The following DTD1 variants were observed in gnomAD, a reference collection of about 807,000 sequenced individuals.
DTD1 encodes the protein D-tyrosyl-tRNA deacylase 1 homolog.
In DTD1, 13 loss-of-function variants were observed where a neutral mutation model predicts 25.6. The ratio of observed to expected loss-of-function variants is 0.51; its 90% CI spans 0.33 to 0.81. DTD1 has a LOEUF of 0.81. Ranked by LOEUF, DTD1 falls within the 30% of genes least tolerant of loss-of-function variation. The pLI, the probability that DTD1 is intolerant of heterozygous loss-of-function variation, is 0.02. For missense variants in DTD1, 193 were observed against 266.4 expected (o/e 0.72, Z 1.92); for synonymous variants, 110 against 103.6 (o/e 1.06, Z -0.37).
intron 4 of DTD1, among the ~76,000 whole-genome samples, chr20:18,640,319 G>T (rs1048447538): frequency 2.0e-5 from 3 of 151,700 alleles, no homozygotes; most frequent in Non-Finnish European, 4.4e-5. Flanking sequence ...ATCAATTTTT[G>T]TTATATCTAA....
Position 18,639,564 on chromosome 20 carries a change from G to A in DTD1, c.477+11331G>A, listed in dbSNP as rs573163189. 9.9e-5 allele frequency among the ~76,000 whole-genome samples: 15 copies of A among 152,030 alleles called. No homozygotes were observed. In the South Asian group the frequency reaches 2.5e-3, roughly 25 times the overall value. On this transcript the variant is annotated intron_variant, in intron 4 of 5. Transcript: ENST00000377452. ...AGGTTGTCCTACTGTGGGCTCCAGC[G>A]TGCCTCTTGCTGCTAGCTGGTCAAG...
chr20:18,744,329 A>G, intron 5 of DTD1, 58 bp downstream of exon 5: 1 of 1,537,864 alleles, frequency 6.5e-7, no homozygotes, highest in South Asian at 1.2e-5. Flanking sequence ...AGCAATGAAT[A>G]GGAGGGAATA....
intron 3 of DTD1, among the ~76,000 whole-genome samples, chr20:18,608,225 T>C (rs2060670203): frequency 6.6e-6 from 1 of 152,148 alleles, no homozygotes; most frequent in African/African-American, 2.4e-5. Context: ...GTCCTCTGTT[T>C]CATTTTCGAT....
At chr20:18,702,323 T>G (rs1229171327) in intron 4 of DTD1, among the ~76,000 whole-genome samples, 1 of 152,220 alleles carries the variant, frequency 6.6e-6, no homozygotes, top group African/African-American at 2.4e-5. Context: ...TAATTTTAAT[T>G]TTCTTGACAA....
chr20:18,688,888 G>T (rs376496665), intron 4 of DTD1, among the ~76,000 whole-genome samples: 1 of 152,064 alleles, frequency 6.6e-6, no homozygotes, highest in African/African-American at 2.4e-5. Flanking sequence ...GTGGCCTGTG[G>T]GGGGTGGGGA....
intron 3 of DTD1, among the ~76,000 whole-genome samples, chr20:18,621,482 C>G (rs1380989478): frequency 6.6e-6 from 1 of 152,180 alleles, no homozygotes; most frequent in Non-Finnish European, 1.5e-5. Context: ...AGCCTACTCC[C>G]ACTCACTAAT....
At position 18,588,113 on chromosome 20, in the gene DTD1, C is replaced by A; in HGVS notation, c.41C>A (p.Thr14Lys). The change falls in exon 1 of 6, where the codon ACA (threonine) becomes AAA (lysine). Residue 14 changes from threonine (T) to lysine (K), a missense_variant and splice_region_variant. Thr to Lys is a moderately conservative substitution (Grantham distance 78). Transcript: ENST00000377452. ...VVQRVTRASV[T>K]VGGEQISAIG... ...CAGCGCGTCACCCGGGCCAGCGTCACAGGTCAGTCGGGCGGGGCCGGGCCC... is the reference window on the plus strand; with the variant it reads ...CAGCGCGTCACCCGGGCCAGCGTCAAAGGTCAGTCGGGCGGGGCCGGGCCC... 7.7e-6 allele frequency: 10 copies of A among 1,305,808 alleles called. No individual in the cohort carries two copies. The highest frequency in any genetic ancestry group is 9.7e-6 in the Non-Finnish European group (10 of 1,030,348). 80.9% of individuals were successfully genotyped at this position (1,305,808 alleles called of 1,614,324 possible).
chr20:18,651,674 G>A (rs1342599674), intron 4 of DTD1, among the ~76,000 whole-genome samples: 1 of 152,152 alleles, frequency 6.6e-6, no homozygotes, highest in Non-Finnish European at 1.5e-5. Flanking sequence ...TCCCCAAAAC[G>A]GTTCAGTGAA....
chr20:18,655,614 C>T (rs764195466), intron 4 of DTD1, among the ~76,000 whole-genome samples: 12 of 152,178 alleles, frequency 7.9e-5, no homozygotes, highest in Middle Eastern at 3.4e-3. Flanking sequence ...GGGCTGTAAG[C>T]GTGGACAATT....
chr20:18,738,976 A>G (rs1884782), intron 4 of DTD1, among the ~76,000 whole-genome samples: 146,621 of 152,304 alleles, frequency 0.96, 70,800 homozygotes, highest in East Asian at 1. Context: ...GTTCTTAGGT[A>G]GCGCTTGTCC....
chr20:18,646,715 G>T (rs1020965498), intron 4 of DTD1, among the ~76,000 whole-genome samples: 1 of 152,306 alleles, frequency 6.6e-6, no homozygotes, highest in African/African-American at 2.4e-5. Context: ...ATTCATAGGT[G>T]TGCCTTCCTC....
At chr20:18,716,788 C>G (rs867882132) in intron 4 of DTD1, among the ~76,000 whole-genome samples, 4 of 152,178 alleles carry the variant, frequency 2.6e-5, no homozygotes, top group Middle Eastern at 3.2e-3. Flanking sequence ...ATCAGAGAAG[C>G]CTTACTGGTA....
At chr20:18,761,265 A>C (rs1302784651) in intron 5 of DTD1, among the ~76,000 whole-genome samples, 2 of 151,998 alleles carry the variant, frequency 1.3e-5, no homozygotes, top group Non-Finnish European at 2.9e-5. Flanking sequence ...AGTGAGATGA[A>C]CCCTGTACCT....
intron 4 of DTD1, among the ~76,000 whole-genome samples, chr20:18,656,596 A>G (rs997106674): frequency 1.3e-5 from 2 of 152,208 alleles, no homozygotes; most frequent in Non-Finnish European, 2.9e-5. Context: ...CTGGGGGAGC[A>G]CTATGTCTGC....
intron 5 of DTD1, among the ~76,000 whole-genome samples, chr20:18,747,684 T>G (rs1035150602): frequency 6.6e-6 from 1 of 152,140 alleles, no homozygotes; most frequent in African/African-American, 2.4e-5. Flanking sequence ...CTTAATAGTC[T>G]TTCCTGCAGT....
chr20:18,676,996 C>G (rs922709664), intron 4 of DTD1, among the ~76,000 whole-genome samples: 5 of 152,162 alleles, frequency 3.3e-5, no homozygotes, highest in African/African-American at 1.2e-4. Flanking sequence ...GCCTCCCACC[C>G]CCTAAAAAGA....
In DTD1 at chr20:18,698,756, A is replaced by C. The variant is rs954697708; in HGVS notation, c.478-45344A>C. 2.6e-5 allele frequency: 4 copies of C among 152,354 alleles called. No homozygotes were observed. In the East Asian group the frequency reaches 7.7e-4, roughly 29 times the overall value. 9.4% of individuals were successfully genotyped at this position (152,354 alleles called of 1,614,324 possible). On this transcript the variant is annotated intron_variant, in intron 4 of 5. Transcript: ENST00000377452. ...TGGTGACTGAGCCCTGCCATGGCTG[A>C]AAGTCACAGTCAAATAGAATTCTCA...
chr20:18,623,806 T>G (rs1157420288), intron 3 of DTD1, among the ~76,000 whole-genome samples: 4 of 152,034 alleles, frequency 2.6e-5, no homozygotes, highest in African/African-American at 9.6e-5. Context: ...TATAATAACA[T>G]ACTTTTAAGT....
At chr20:18,693,652 C>T (rs141289863) in intron 4 of DTD1, among the ~76,000 whole-genome samples, 1 of 79,854 alleles carries the variant, frequency 1.3e-5, no homozygotes, top group East Asian at 4.2e-4. Flanking sequence ...GCGAGACTCC[C>T]ATCTAAAAAA....
Sources: allele counts gnomAD v4.1 joint callset (sites outside exome capture counted in the v4.1 genomes callset), GRCh38; gene constraint gnomAD v4.1.1; transcripts MANE v1.5; gene names NCBI Gene and HGNC (gene_info 2026-07-23, HGNC 2026-07-21).